TACR1: variants seen among roughly 807,000 people sequenced by gnomAD.
TACR1 encodes the protein substance-P receptor.
TACR1 carries 25 observed loss-of-function variants against 35.8 expected under a neutral mutation model. The ratio of observed to expected loss-of-function variants is 0.70; its 90% CI spans 0.51 to 0.98. TACR1 has a LOEUF of 0.98. TACR1 is among the 50% of genes least tolerant of loss of function. The probability of loss-of-function intolerance (pLI) is 0.00; values close to 1 mark genes in which losing one functional copy is unlikely to be tolerated. For synonymous variants in TACR1, 195 were observed against 206.7 expected (o/e 0.94, Z 0.48); for missense variants, 478 against 522.9 (o/e 0.91, Z 0.84).
intron 2 of TACR1, among the ~76,000 whole-genome samples, chr2:75,097,526 A>G (rs987921916): frequency 1.2e-4 from 19 of 152,256 alleles, no homozygotes; most frequent in Middle Eastern, 3.4e-3. Flanking sequence ...ATAGGTGGCA[A>G]AATCATGGGG....
intron 2 of TACR1, among the ~76,000 whole-genome samples, chr2:75,095,351 G>A (rs763756839): frequency 6.6e-6 from 1 of 152,182 alleles, no homozygotes; most frequent in Non-Finnish European, 1.5e-5. Flanking sequence ...AGCCAGAGAT[G>A]CTAGCATTGT....
At chr2:75,189,166 G>A (rs1401169275) in intron 1 of TACR1, 1 of 152,164 alleles carries the variant, frequency 6.6e-6, no homozygotes, top group East Asian at 1.9e-4. Flanking sequence ...TACAAAACTC[G>A]ATTTCAGTGG....
intron 1 of TACR1, among the ~76,000 whole-genome samples, chr2:75,151,010 AAG>A (rs2103965030): frequency 6.6e-6 from 1 of 152,170 alleles, no homozygotes; most frequent in East Asian, 1.9e-4. Flanking sequence ...TTGAACTTGA[AAG>A]AGCTGATTTA....
At chr2:75,179,959 CCTT>C (rs1675523117) in intron 1 of TACR1, among the ~76,000 whole-genome samples, 2 of 152,254 alleles carry the variant, frequency 1.3e-5, no homozygotes, top group African/African-American at 4.8e-5. Context: ...GTCTATATGG[CCTT>C]CTTCTCTAGC....
intron 1 of TACR1, among the ~76,000 whole-genome samples, chr2:75,172,586 AC>A (rs1045696387): frequency 1.7e-4 from 26 of 151,756 alleles, no homozygotes; most frequent in African/African-American, 6.3e-4. Flanking sequence ...GCTCTGCAGT[AC>A]CCTAGAAGTT....
intron 3 of TACR1, 96 bp downstream of exon 3, chr2:75,053,509 G>A: frequency 7.2e-7 from 1 of 1,387,338 alleles, no homozygotes; most frequent in Non-Finnish European, 9.4e-7. Flanking sequence ...GGGATATTTT[G>A]TGCTAGCTGC....
intron 2 of TACR1, among the ~76,000 whole-genome samples, chr2:75,072,368 A>C (rs1672899332): frequency 6.6e-6 from 1 of 152,206 alleles, no homozygotes; most frequent in Non-Finnish European, 1.5e-5. Flanking sequence ...TATCATAATC[A>C]ATATGGCCAC....
intron 1 of TACR1, among the ~76,000 whole-genome samples, chr2:75,167,254 G>A (rs990320843): frequency 3.3e-5 from 5 of 152,192 alleles, no homozygotes; most frequent in African/African-American, 4.8e-5. Flanking sequence ...TAAAATCACA[G>A]TGAAATTCTT....
At chr2:75,121,660 C>A (rs1673973326) in intron 1 of TACR1, among the ~76,000 whole-genome samples, 1 of 152,108 alleles carries the variant, frequency 6.6e-6, no homozygotes, top group South Asian at 2.1e-4. Context: ...TCAATTCTGC[C>A]TCTTTCATTT....
intron 2 of TACR1, among the ~76,000 whole-genome samples, chr2:75,072,848 A>G (rs1448667289): frequency 6.6e-6 from 1 of 152,220 alleles, no homozygotes; most frequent in Non-Finnish European, 1.5e-5. Context: ...TATGGTTCCA[A>G]GTTTTCTGCG....
chr2:75,141,135 C>T (rs557408214), intron 1 of TACR1, among the ~76,000 whole-genome samples: 1 of 152,010 alleles, frequency 6.6e-6, no homozygotes, highest in African/African-American at 2.4e-5. Flanking sequence ...CTCTCTCTTC[C>T]TCTCTTATCT....
chr2:75,128,647 A>G (rs971274164), intron 1 of TACR1, among the ~76,000 whole-genome samples: 1 of 152,110 alleles, frequency 6.6e-6, no homozygotes, highest in Non-Finnish European at 1.5e-5. Flanking sequence ...AGGAAGACAG[A>G]GCGCGCATTT....
intron 1 of TACR1, among the ~76,000 whole-genome samples, chr2:75,156,701 A>C: frequency 6.6e-6 from 1 of 151,998 alleles, no homozygotes; most frequent in East Asian, 1.9e-4. Context: ...TCTACATAAC[A>C]GTGAGAAAAT....
chr2:75,051,525 C>T, intron 3 of TACR1, 78 bp from the exon 4 acceptor site: 2 of 1,579,880 alleles, frequency 1.3e-6, no homozygotes, highest in Admixed American at 3.7e-5. Flanking sequence ...CTCCCACGCC[C>T]TCACTGTGCA....
intron 1 of TACR1, among the ~76,000 whole-genome samples, chr2:75,124,781 T>C (rs895205377): frequency 6.6e-6 from 1 of 152,248 alleles, no homozygotes; most frequent in Non-Finnish European, 1.5e-5. Flanking sequence ...CATAGCTTGC[T>C]GTCCCCTGGT....
At chr2:75,053,327 T>G (rs958939414) in intron 3 of TACR1, among the ~76,000 whole-genome samples, 2 of 152,110 alleles carry the variant, frequency 1.3e-5, no homozygotes, top group African/African-American at 2.4e-5. Flanking sequence ...AAATCACTCT[T>G]CACTGATCTT....
intron 1 of TACR1, among the ~76,000 whole-genome samples, chr2:75,192,042 G>A (rs1315839862): frequency 6.6e-6 from 1 of 152,104 alleles, no homozygotes; most frequent in East Asian, 1.9e-4. Flanking sequence ...TGCAGGTCTA[G>A]GACAGCATCT....
At chr2:75,049,897 A>G (rs933608494) in intron 4 of TACR1, among the ~76,000 whole-genome samples, 174 bp from the exon 5 acceptor site, 1 of 152,226 alleles carries the variant, frequency 6.6e-6, no homozygotes, top group Non-Finnish European at 1.5e-5. Context: ...GGGTCAGTCA[A>G]CAAGGTCAAA....
In TACR1 at chr2:75,054,186, C is replaced by T. The variant is rs539728941; in HGVS notation, c.585-431G>A. On this transcript the variant is annotated intron_variant, in intron 2 of 4. Coordinates refer to ENST00000305249, the MANE Select transcript of TACR1 (RefSeq NM_001058.4). The stretch of plus-strand genomic sequence containing the variant: ...CTCTGAATGAAGGAAGTAATTATAC[C>T]ACTCAATTCATACCCGCCAGACTAC... Among the ~76,000 whole-genome samples, 28 of 152,224 alleles carry T rather than the reference C, an allele frequency of 1.8e-4. No individual in the cohort carries two copies. The South Asian group carries it at 4.8e-3, about 26-fold the overall frequency.
Sources: allele counts gnomAD v4.1 joint callset (sites outside exome capture counted in the v4.1 genomes callset), GRCh38; gene constraint gnomAD v4.1.1; transcripts MANE v1.5; gene names NCBI Gene and HGNC (gene_info 2026-07-23, HGNC 2026-07-21).